Variants in NRG3 observed in about 807,000 individuals in gnomAD.
NRG3 encodes pro-neuregulin-3, membrane-bound isoform.
In NRG3, 31 loss-of-function variants were observed where a neutral mutation model predicts 66.9. The observed-to-expected ratio is 0.46, with a 90% CI of 0.35 to 0.63. The LOEUF (loss-of-function observed/expected upper bound fraction) is 0.63. Among genes scored for constraint, NRG3 ranks in the 20% least tolerant of loss-of-function variants. NRG3 has a pLI of 0.00. For synonymous variants in NRG3, 393 were observed against 359.4 expected, an observed-to-expected ratio of 1.09 and a Z score of -1.06; for missense variants, 910 against 878.9, an observed-to-expected ratio of 1.04 and a Z score of -0.45.
chr10:82,976,445 G>A (rs1350365541), intron 7 of NRG3, among the ~76,000 whole-genome samples: 1 of 152,122 alleles, frequency 6.6e-6, no homozygotes, highest in Non-Finnish European at 1.5e-5. Context: ...TGAATTGCCA[G>A]CTGTGGCAGG....
chr10:82,533,825 T>TTA (rs1407062041), intron 2 of NRG3, among the ~76,000 whole-genome samples: 7 of 152,098 alleles, frequency 4.6e-5, no homozygotes, highest in Admixed American at 2.0e-4. Context: ...CAACATGATC[T>TTA]TATATATGGA....
In NRG3 at chr10:82,985,524, G is replaced by C. The variant is rs776717946; in HGVS notation, c.2010G>C (p.Leu670=). 1.8e-5 allele frequency: 29 copies of C among 1,613,856 alleles called. No homozygotes were observed. The African/African-American group carries it at 2.3e-4, about 13-fold the overall frequency. Residue 670 remains leucine (L), a synonymous_variant, in exon 9 of 9, where the codon CTG becomes CTC. Coordinates refer to ENST00000372141, the MANE Select transcript of NRG3 (RefSeq NM_001010848.4). The part of the protein sequence containing the change: ...SASENTAFLP[L]SPTAKSEREA... Reference sequence around the variant, plus strand: ...GCGAAAACACAGCCTTTCTCCCCCTGAGTCCCACAGCCAAATCAGAACGAG... The same window carrying C: ...GCGAAAACACAGCCTTTCTCCCCCTCAGTCCCACAGCCAAATCAGAACGAG...
intron 2 of NRG3, among the ~76,000 whole-genome samples, chr10:82,612,880 A>C (rs2048396494): frequency 6.6e-6 from 1 of 152,202 alleles, no homozygotes. Flanking sequence ...ACTGCTTAGC[A>C]TGGCTGGGTG....
chr10:82,275,526 G>A (rs992308917), intron 1 of NRG3, among the ~76,000 whole-genome samples: 6 of 151,942 alleles, frequency 3.9e-5, no homozygotes, highest in African/African-American at 7.2e-5. Flanking sequence ...CTCAGGGCTG[G>A]ATTAATGTGA....
chr10:82,341,309 A>G (rs940646473), intron 1 of NRG3, among the ~76,000 whole-genome samples: 1 of 152,080 alleles, frequency 6.6e-6, no homozygotes, highest in African/African-American at 2.4e-5. Context: ...AAAACTCAGC[A>G]CGGTTGGAAA....
chr10:82,399,164 T>C (rs1024801043), intron 2 of NRG3, among the ~76,000 whole-genome samples: 1 of 152,136 alleles, frequency 6.6e-6, no homozygotes, highest in Non-Finnish European at 1.5e-5. Context: ...TATTTTTCAT[T>C]GAAAAAGTAC....
intron 1 of NRG3, among the ~76,000 whole-genome samples, chr10:82,036,470 C>G (rs10884067): frequency 6.6e-6 from 1 of 151,944 alleles, no homozygotes; most frequent in African/African-American, 2.4e-5. Flanking sequence ...ATAACTTCCT[C>G]GTTGTAAGGG....
At chr10:82,718,971 C>T (rs2057135966) in intron 2 of NRG3, among the ~76,000 whole-genome samples, 1 of 152,048 alleles carries the variant, frequency 6.6e-6, no homozygotes, top group African/African-American at 2.4e-5. Context: ...TATTTAAAAC[C>T]AAGGCACAGA....
At chr10:82,543,476 T>C (rs1287327290) in intron 2 of NRG3, among the ~76,000 whole-genome samples, 1 of 152,202 alleles carries the variant, frequency 6.6e-6, no homozygotes, top group Non-Finnish European at 1.5e-5. Context: ...CATGTATCTA[T>C]CCACCAATGT....
chr10:82,467,008 G>A (rs1428026184), intron 2 of NRG3, among the ~76,000 whole-genome samples: 2 of 152,072 alleles, frequency 1.3e-5, no homozygotes, highest in Non-Finnish European at 2.9e-5. Context: ...GGATGTGCAA[G>A]CTGGTAATTC....
intron 1 of NRG3, among the ~76,000 whole-genome samples, chr10:82,089,878 A>G (rs2065931433): frequency 6.6e-6 from 1 of 152,144 alleles, no homozygotes. Context: ...ACACTTATGA[A>G]ATTGGTCTAG....
intron 3 of NRG3, among the ~76,000 whole-genome samples, chr10:82,862,581 TC>T (rs1167484076): frequency 6.6e-6 from 1 of 152,094 alleles, no homozygotes; most frequent in Non-Finnish European, 1.5e-5. Flanking sequence ...TAAAGGAAAT[TC>T]CCTTCAAGAC....
chr10:82,798,033 G>T (rs1419911184), intron 3 of NRG3, among the ~76,000 whole-genome samples: 1 of 152,054 alleles, frequency 6.6e-6, no homozygotes, highest in African/African-American at 2.4e-5. Flanking sequence ...TCCTCTAGAA[G>T]TGTATTGCTA....
At chr10:82,350,896 C>CTT (rs34056865) in intron 1 of NRG3, among the ~76,000 whole-genome samples, 2 of 144,376 alleles carry the variant, frequency 1.4e-5, no homozygotes, top group Non-Finnish European at 3.1e-5. Context: ...GTTAACTCTT[C>CTT]TTTTTTTTTT....
At chr10:82,561,268 T>G (rs141281154) in intron 2 of NRG3, among the ~76,000 whole-genome samples, 1 of 152,216 alleles carries the variant, frequency 6.6e-6, no homozygotes, top group Admixed American at 6.5e-5. Context: ...ATGGCCTATT[T>G]AAATTTGCTG....
At chr10:82,186,794 C>T (rs2073835063) in intron 1 of NRG3, among the ~76,000 whole-genome samples, 1 of 152,182 alleles carries the variant, frequency 6.6e-6, no homozygotes, top group African/African-American at 2.4e-5. Context: ...ACTTTCTGGA[C>T]ATTCAAATCC....
chr10:82,637,504 TC>T (rs2050280701), intron 2 of NRG3, among the ~76,000 whole-genome samples: 1 of 152,178 alleles, frequency 6.6e-6, no homozygotes, highest in South Asian at 2.1e-4. Context: ...AGTATGAACA[TC>T]ATTAATGATG....
intron 2 of NRG3, among the ~76,000 whole-genome samples, chr10:82,482,337 A>G (rs956216965): frequency 5.9e-5 from 9 of 152,216 alleles, no homozygotes; most frequent in Non-Finnish European, 1.0e-4. Context: ...TTCATCTTGA[A>G]TAGTCTGATA....
intron 2 of NRG3, among the ~76,000 whole-genome samples, chr10:82,729,986 T>G (rs1356117416): frequency 1.3e-5 from 2 of 152,136 alleles, no homozygotes; most frequent in Non-Finnish European, 2.9e-5. Context: ...AATTCACACG[T>G]AAAAACCATA....
Sources: gnomAD v4.1 joint callset for allele counts (sites outside exome capture counted in the v4.1 genomes callset) on GRCh38, gnomAD v4.1.1 for gene constraint, MANE v1.5 for transcripts, NCBI Gene and HGNC (gene_info 2026-07-23, HGNC 2026-07-21) for gene names.